Variants in DST observed in about 807,000 individuals in gnomAD.
DST encodes the protein bullous pemphigoid antigen.
In DST, 253 loss-of-function variants were observed where a neutral mutation model predicts 875.2. That is an observed-to-expected ratio of 0.29 (90% CI 0.26 to 0.32). DST has a LOEUF of 0.32. DST is among the 10% of genes least tolerant of loss of function. DST has a pLI of 1.00. For missense variants in DST, 8,287 were observed against 9,111.6 expected (o/e 0.91, Z 3.68); for synonymous variants, 3,124 against 3,197.1 (o/e 0.98, Z 0.77).
intron 44 of DST, 54 bp downstream of exon 44, chr6:56,601,389 A>G (rs2098444902): frequency 8.2e-7 from 1 of 1,222,038 alleles, no homozygotes; most frequent in Non-Finnish European, 1.2e-6. Flanking sequence ...GGGTATCTAC[A>G]TTATGGTTTC....
At chr6:56,737,415 T>A (rs946348516) in intron 4 of DST, among the ~76,000 whole-genome samples, 4 of 152,200 alleles carry the variant, frequency 2.6e-5, no homozygotes, top group African/African-American at 9.7e-5. Flanking sequence ...CCTGCGTTGT[T>A]CAGTACTGTA....
chr6:56,735,762 C>A (rs1180751222), intron 4 of DST, among the ~76,000 whole-genome samples: 2 of 152,202 alleles, frequency 1.3e-5, no homozygotes, highest in Non-Finnish European at 2.9e-5. Flanking sequence ...AAAGTCTTGA[C>A]AAAAGGCAAG....
rs1258277544 is a variant in DST at position 56,555,775 on chromosome 6, G to A, written c.14706C>T (p.Gly4902=). The change falls in exon 60 of 104, where the codon GGC becomes GGT. Residue 4902 remains glycine, a synonymous_variant. Coordinates refer to ENST00000680361, the MANE Select transcript of DST (RefSeq NM_001374736.1). ...GGTCTTCTCCAGGCCTGCTCAGAAT[G>A]CCCTGACCAGCTGCTGTCAGCTGTT... ...QYEQLTAAGQ[G]ILSRPGEDPS... 6.3e-7 allele frequency: 1 copy of A among 1,575,292 alleles called. No individual in the cohort carries two copies. The highest frequency in any genetic ancestry group is 1.4e-5 in the African/African-American group (1 of 73,894).
intron 5 of DST, among the ~76,000 whole-genome samples, chr6:56,719,318 C>A (rs989636780): frequency 6.6e-6 from 1 of 152,110 alleles, no homozygotes; most frequent in Admixed American, 6.5e-5. Context: ...AAGGACTGAT[C>A]ATAATACTAA....
chr6:56,639,656 A>G (rs1156906506), intron 20 of DST, 40 bp downstream of exon 20: 1 of 1,612,938 alleles, frequency 6.2e-7, no homozygotes, highest in South Asian at 1.1e-5. Flanking sequence ...TTTGCCAAAT[A>G]TAGATAAGGG....
intron 43 of DST, chr6:56,602,072 AC>A (rs1311826364): frequency 2.8e-6 from 1 of 360,740 alleles, no homozygotes; most frequent in Non-Finnish European, 5.3e-6. Context: ...TATAAATAAT[AC>A]TTTGAGGGAT....
chr6:56,503,627 A>ACACACACACACACC (rs1478684126), intron 78 of DST, among the ~76,000 whole-genome samples: 6 of 149,434 alleles, frequency 4.0e-5, no homozygotes, highest in African/African-American at 1.2e-4. Context: ...ACACACACAC[A>ACACACACACACACC]CCCCATGTCC....
At position 56,631,280 on chromosome 6, in the gene DST, C is replaced by G. The variant is rs756823864; in HGVS notation, c.4073G>C (p.Arg1358Pro). ...AAASSSVPTL[R>P]SELNVVLQNM... ...CTGAAGGACCACATTAAGCTCTGAT[C>G]GTAGGGTAGGGACTGATGAAGAGGC... Residue 1358 changes from arginine (R) to proline (P), a missense_variant, in exon 30 of 104, where the codon CGA (arginine) becomes CCA (proline). By Grantham distance (103) the Arg-to-Pro change is moderately radical. This residue lies in a region of DST where 3,138 missense variants were observed against 3,116.6 expected (regional missense o/e 1.01). Coordinates refer to ENST00000680361, the MANE Select transcript of DST (RefSeq NM_001374736.1). 2.1e-5 allele frequency: 34 copies of G among 1,613,892 alleles called. No homozygotes were observed. Among genetic ancestry groups the G allele is most frequent in the Non-Finnish European group, 2.8e-5 (33 of 1,179,874 alleles).
chr6:56,704,925 T>C (rs2099327509), intron 5 of DST, among the ~76,000 whole-genome samples: 1 of 152,240 alleles, frequency 6.6e-6, no homozygotes, highest in South Asian at 2.1e-4. Context: ...AGAAGTCCTC[T>C]GTCCAAACCC....
rs542511789 is a variant in DST at position 56,851,367 on chromosome 6, C to A, written c.625+30G>T. On this transcript the variant is annotated intron_variant, in intron 4 of 103. Transcript: ENST00000680361. Reference sequence around the variant, plus strand: ...GCGAATTTCCGCAACTCTCTTCCCCCACTCCATCCCCTTCCCCAGATGCTC... The same window carrying A: ...GCGAATTTCCGCAACTCTCTTCCCCAACTCCATCCCCTTCCCCAGATGCTC... 8.1e-6 allele frequency: 13 copies of A among 1,597,476 alleles called. No homozygotes were observed. The East Asian group carries it at 1.1e-4, about 14-fold the overall frequency.
chr6:56,844,741 C>T (rs972615943), intron 4 of DST, among the ~76,000 whole-genome samples: 1 of 151,924 alleles, frequency 6.6e-6, no homozygotes, highest in Non-Finnish European at 1.5e-5. Flanking sequence ...GGCGTGGTGG[C>T]GGGTACCTAT....
At chr6:56,466,880 C>T (rs949275582) in intron 98 of DST, 1 of 152,108 alleles carries the variant, frequency 6.6e-6, no homozygotes, top group Non-Finnish European at 1.5e-5. Flanking sequence ...GATACAGCTG[C>T]CAAATCTAAA....
intron 92 of DST, among the ~76,000 whole-genome samples, chr6:56,474,960 C>CAAAAAA (rs386407168): frequency 3.2e-5 from 1 of 31,338 alleles, no homozygotes; most frequent in African/African-American, 1.0e-4. Flanking sequence ...CCCTGCCTCT[C>CAAAAAA]AAAAAAAAAA....
intron 61 of DST, among the ~76,000 whole-genome samples, chr6:56,538,594 A>G (rs529642082): frequency 6.6e-6 from 1 of 152,324 alleles, no homozygotes; most frequent in Admixed American, 6.5e-5. Flanking sequence ...TCTAAGGCCT[A>G]GCATACAGGA....
At chr6:56,516,198 G>A (rs76550996) in intron 71 of DST, among the ~76,000 whole-genome samples, 5 of 90,612 alleles carry the variant, frequency 5.5e-5, no homozygotes, top group African/African-American at 1.2e-4. Flanking sequence ...AGAAAGAGAA[G>A]GAGAAAGAGA....
At chr6:56,768,999 G>C (rs2099642181) in intron 4 of DST, among the ~76,000 whole-genome samples, 1 of 152,094 alleles carries the variant, frequency 6.6e-6, no homozygotes, top group South Asian at 2.1e-4. Flanking sequence ...CCTGGTGACA[G>C]AGTGAGACTC....
intron 4 of DST, among the ~76,000 whole-genome samples, chr6:56,756,566 T>A (rs1212459740): frequency 4.6e-5 from 7 of 152,098 alleles, no homozygotes; most frequent in Admixed American, 4.6e-4. Context: ...CTGGCAGGAA[T>A]GAGCACAGTG....
chr6:56,497,597 C>T, intron 81 of DST, 90 bp from the exon 82 acceptor site: 4 of 1,473,894 alleles, frequency 2.7e-6, no homozygotes, highest in Non-Finnish European at 3.7e-6. Flanking sequence ...CCTGCTAAGC[C>T]TCTCTATGCA....
At chr6:56,934,572 ATATATATATATATATATC>A (rs1420844724) in intron 2 of DST, among the ~76,000 whole-genome samples, 3 of 138,066 alleles carry the variant, frequency 2.2e-5, no homozygotes, top group Non-Finnish European at 4.7e-5. Flanking sequence ...ATATATATAT[ATATATATATATATATATC>A]GTGAGAGAGA....
Sources: gnomAD v4.1 joint callset for allele counts (sites outside exome capture counted in the v4.1 genomes callset) on GRCh38, gnomAD v4.1.1 for gene constraint, gnomAD v4.1.1 regional missense constraint, MANE v1.5 for transcripts, NCBI Gene and HGNC (gene_info 2026-07-23, HGNC 2026-07-21) for gene names.